The following TPD52 variants were observed in gnomAD, a reference collection of about 807,000 sequenced individuals.
TPD52 encodes prostate and colon associated protein.
Under a neutral mutation model 31.3 loss-of-function variants are expected in TPD52, and 17 were observed. The ratio of observed to expected loss-of-function variants is 0.54; its 90% CI spans 0.37 to 0.82. The LOEUF (loss-of-function observed/expected upper bound fraction) is 0.82, where lower values mean the gene tolerates loss of function less well. Ranked by LOEUF, TPD52 falls within the 40% of genes least tolerant of loss-of-function variation. The pLI, the probability that TPD52 is intolerant of heterozygous loss-of-function variation, is 0.00. For synonymous variants in TPD52, 83 were observed against 89.6 expected (o/e 0.93, Z 0.42); for missense variants, 212 against 240.1 (o/e 0.88, Z 0.77).
chr8:80,134,534 T>C (rs2131101532), intron 1 of TPD52, among the ~76,000 whole-genome samples: 1 of 152,344 alleles, frequency 6.6e-6, no homozygotes, highest in South Asian at 2.1e-4. Context: ...CTCTGCATGT[T>C]TCTTTCTAGA....
At chr8:80,066,060 C>G (rs565528202) in intron 1 of TPD52, among the ~76,000 whole-genome samples, 1 of 151,590 alleles carries the variant, frequency 6.6e-6, no homozygotes, top group African/African-American at 2.4e-5. Flanking sequence ...TTTCTGAGAA[C>G]TGCCAGTTCA....
chr8:80,160,110 G>A (rs1811246700), intron 1 of TPD52, among the ~76,000 whole-genome samples: 1 of 151,948 alleles, frequency 6.6e-6, no homozygotes, highest in Admixed American at 6.6e-5. Flanking sequence ...AAGATTGCTT[G>A]AGCCCATAAG....
At chr8:80,117,750 TGAG>T (rs1807970430) in intron 1 of TPD52, among the ~76,000 whole-genome samples, 1 of 150,048 alleles carries the variant, frequency 6.7e-6, no homozygotes, top group Non-Finnish European at 1.5e-5. Flanking sequence ...TTTTTTTTTT[TGAG>T]ACAGAGTCTT....
intron 1 of TPD52, among the ~76,000 whole-genome samples, chr8:80,090,988 C>T (rs1476409401): frequency 6.6e-6 from 1 of 152,052 alleles, no homozygotes; most frequent in Admixed American, 6.6e-5. Flanking sequence ...TTGTTCTTCA[C>T]ACAGTGTTTC....
intron 1 of TPD52, among the ~76,000 whole-genome samples, chr8:80,102,238 T>C (rs1448769625): frequency 6.6e-6 from 1 of 152,196 alleles, no homozygotes; most frequent in Admixed American, 6.5e-5. Flanking sequence ...GGCAGGGTTG[T>C]AATCTCCAAA....
intron 5 of TPD52, 141 bp from the exon 6 acceptor site, chr8:80,044,349 G>A: frequency 1.5e-6 from 1 of 663,950 alleles, no homozygotes; most frequent in South Asian, 1.8e-5. Context: ...TGAGGTGGAG[G>A]GGATCAAAGT....
In TPD52 at chr8:80,119,578, G is replaced by A. The variant is rs180750242; in HGVS notation, c.19+51847C>T. 7.4e-4 allele frequency among the ~76,000 whole-genome samples: 113 copies of A among 152,206 alleles called. 1 individual carries two copies. The highest frequency in any genetic ancestry group is 1.2e-3 in the Non-Finnish European group (80 of 68,008). ...TTTAACAGTAGTTTACTTTGGGAAG[G>A]GAAACTATAGTGAATGAGTTCAAGA... On this transcript the variant is annotated intron_variant, in intron 1 of 7. Transcript: ENST00000518937.
chr8:80,141,399 T>C (rs948005098), intron 1 of TPD52, among the ~76,000 whole-genome samples: 20 of 152,146 alleles, frequency 1.3e-4, no homozygotes, highest in African/African-American at 4.8e-4. Flanking sequence ...CATCATTTGC[T>C]CTGAGGGAAG....
chr8:80,060,092 AAAAAG>A (rs1812351259), intron 2 of TPD52, among the ~76,000 whole-genome samples: 2 of 151,728 alleles, frequency 1.3e-5, no homozygotes, highest in Admixed American at 1.3e-4. Context: ...CTCAAAAAAA[AAAAAG>A]AAAAGAAAAA....
chr8:80,064,182 A>G (rs1024927671), intron 2 of TPD52, among the ~76,000 whole-genome samples: 31 of 152,308 alleles, frequency 2.0e-4, no homozygotes, highest in African/African-American at 7.5e-4. Flanking sequence ...CAAGTGTATC[A>G]GATGTCAGTG....
At position 80,165,024 on chromosome 8, in the gene TPD52, G is replaced by A. The variant is rs541777426; in HGVS notation, c.19+6401C>T. 6.6e-5 allele frequency among the ~76,000 whole-genome samples: 10 copies of A among 151,128 alleles called. No homozygotes were observed. In the South Asian group the frequency reaches 1.5e-3, roughly 22 times the overall value. On this transcript the variant is annotated intron_variant, in intron 1 of 7. Coordinates refer to ENST00000518937, the MANE Select transcript of TPD52 (RefSeq NM_001025253.3). ...AAAATTAACAACTCATCTCATAAACGGGGTACATTCTATAAAATACAATAG... is the reference window on the plus strand; with the variant it reads ...AAAATTAACAACTCATCTCATAAACAGGGTACATTCTATAAAATACAATAG...
chr8:80,034,704 T>C (rs1039333932), downstream of TPD52: 4 of 152,154 alleles, frequency 2.6e-5, no homozygotes, highest in East Asian at 1.9e-4. Context: ...GGAGAAACTT[T>C]AAAGCATGCT....
chr8:80,137,483 G>C (rs1809516550), intron 1 of TPD52, among the ~76,000 whole-genome samples: 1 of 151,966 alleles, frequency 6.6e-6, no homozygotes, highest in South Asian at 2.1e-4. Context: ...TAATGTGTAT[G>C]ACATGTTCCC....
rs1248126030 is a variant in TPD52 at position 80,037,140 on chromosome 8, T to A, written c.*976A>T. 6.6e-6 allele frequency: 1 copy of A among 152,510 alleles called. No homozygotes were observed. Among genetic ancestry groups the A allele is most frequent in the Non-Finnish European group, 1.5e-5 (1 of 67,970 alleles). 9.4% of individuals were successfully genotyped at this position (152,510 alleles called of 1,614,324 possible). A position where few individuals can be genotyped will look rare whatever the true frequency, so the allele number is the denominator to read the frequency against. On this transcript the variant is annotated 3_prime_UTR_variant, in exon 8 of 8. Transcript: ENST00000518937. ...ATCACCAACCCCTCAGTATAAAAAA[T>A]TTTCAAGTTATATTAGTCATATAAC...
chr8:80,130,898 A>G (rs1053812067), intron 1 of TPD52, among the ~76,000 whole-genome samples: 3 of 152,372 alleles, frequency 2.0e-5, no homozygotes, highest in East Asian at 1.9e-4. Flanking sequence ...TATTTTCACC[A>G]TTCAAACAAA....
chr8:80,114,901 T>A, intron 1 of TPD52, among the ~76,000 whole-genome samples: 1 of 152,236 alleles, frequency 6.6e-6, no homozygotes, highest in African/African-American at 2.4e-5. Context: ...CCAAGTGCCA[T>A]CTTCCATGCT....
chr8:80,096,464 A>G (rs1816750650), intron 1 of TPD52, among the ~76,000 whole-genome samples: 1 of 152,030 alleles, frequency 6.6e-6, no homozygotes, highest in Non-Finnish European at 1.5e-5. Context: ...ACTGCACTCC[A>G]CTTCATTGCA....
intron 5 of TPD52, among the ~76,000 whole-genome samples, chr8:80,044,600 C>T (rs1810670303): frequency 6.6e-6 from 1 of 151,950 alleles, no homozygotes; most frequent in Admixed American, 6.6e-5. Context: ...CACACACATA[C>T]ACACATACAC....
At position 80,050,922 on chromosome 8, in the gene TPD52, A is replaced by G. The variant is rs537618362; in HGVS notation, c.387-451T>C. 8.6e-5 allele frequency among the ~76,000 whole-genome samples: 13 copies of G among 151,848 alleles called. No individual in the cohort carries two copies. The East Asian group carries it at 1.7e-3, about 20-fold the overall frequency. ...CATTTTCATCACTATCCTAATCCAC[A>G]TGAGTGAAGGGGGGGCACAAAAGCA... On this transcript the variant is annotated intron_variant, in intron 4 of 7. Coordinates refer to ENST00000518937, the MANE Select transcript of TPD52 (RefSeq NM_001025253.3).
Sources: gnomAD v4.1 joint callset for allele counts (sites outside exome capture counted in the v4.1 genomes callset) on GRCh38, gnomAD v4.1.1 for gene constraint, MANE v1.5 for transcripts, NCBI Gene and HGNC (gene_info 2026-07-23, HGNC 2026-07-21) for gene names.